ATP1A2: variants seen among roughly 807,000 people sequenced by gnomAD.
The protein encoded by ATP1A2 is sodium/potassium-transporting ATPase subunit alpha-2.
ATP1A2 carries 56 observed loss-of-function variants against 113.1 expected under a neutral mutation model. The ratio of observed to expected loss-of-function variants is 0.49; its 90% CI spans 0.40 to 0.62. The LOEUF (loss-of-function observed/expected upper bound fraction) is 0.62. Among genes scored for constraint, ATP1A2 ranks in the 20% least tolerant of loss-of-function variants. The pLI, the probability that ATP1A2 is intolerant of heterozygous loss-of-function variation, is 0.00. For synonymous variants in ATP1A2, 490 were observed against 526.8 expected, an observed-to-expected ratio of 0.93 and a Z score of 0.96; for missense variants, 712 against 1,357.8, an observed-to-expected ratio of 0.52 and a Z score of 7.47.
At position 160,134,634 on chromosome 1, in the gene ATP1A2, A is replaced by G. The variant is rs201131020; in HGVS notation, c.1964+14A>G. ...AGTCAACCCCAGGTGAGGCCTCTGC[A>G]GGAAGCCCCTGTGCCCTAATCAACA... On this transcript the variant is annotated intron_variant, in intron 14 of 22. Coordinates refer to ENST00000361216, the MANE Select transcript of ATP1A2 (RefSeq NM_000702.4). The G allele has an allele frequency of 4.6e-5, 75 of 1,614,184 alleles. No individual in the cohort carries two copies. The African/African-American group carries it at 7.5e-4, about 16-fold the overall frequency.
chr1:160,120,959 G>A lies in ATP1A2; in HGVS notation c.66G>A (p.Lys22=). The A allele has an allele frequency of 6.2e-7, 1 of 1,612,744 alleles. No individual in the cohort carries two copies. Among genetic ancestry groups the A allele is most frequent in the African/African-American group, 1.3e-5 (1 of 75,020 alleles). The change falls in exon 2 of 23, where the codon AAG becomes AAA. Residue 22 remains lysine (K), a synonymous_variant. Coordinates refer to ENST00000361216, the MANE Select transcript of ATP1A2 (RefSeq NM_000702.4). ...AATTAENGGG[K]KKQKEKELDE... is the part of the protein sequence containing the mutation. The stretch of plus-strand genomic sequence containing the variant: ...CCACGGCAGAGAATGGGGGCGGCAA[G>A]AAGAAACAGAAGGAGAAGGAACTGG...
intron 1 of ATP1A2, 23 bp from the exon 2 acceptor site, chr1:160,120,883 C>T (rs933431139): frequency 6.8e-7 from 1 of 1,477,164 alleles, no homozygotes; most frequent in African/African-American, 1.5e-5. Context: ...CCCTGACTCT[C>T]TGGCTCTCCC....
In ATP1A2 at chr1:160,125,141, T is replaced by C; in HGVS notation, c.636T>C (p.Asp212=). Residue 212 remains aspartate (D), a synonymous_variant, in exon 7 of 23, where the codon GAT becomes GAC. Transcript: ENST00000361216. ...ATGCACTCCTTCCTCCTCAGGTGGA[T>C]AACTCATCCTTAACAGGAGAGTCGG... ...RIISSHGCKV[D]NSSLTGESEP... is the part of the protein sequence containing the mutation. 1 of 1,614,108 alleles carries C rather than the reference T, an allele frequency of 6.2e-7. No individual in the cohort carries two copies. Among genetic ancestry groups the C allele is most frequent in the Non-Finnish European group, 8.5e-7 (1 of 1,179,986 alleles).
Position 160,135,394 on chromosome 1 carries a change from G to A in ATP1A2, c.2116-40G>A. 1 of 1,614,200 alleles carries A rather than the reference G, an allele frequency of 6.2e-7. No individual in the cohort carries two copies. Among genetic ancestry groups the A allele is most frequent in the Non-Finnish European group, 8.5e-7 (1 of 1,180,034 alleles). ...GTGAGAGGCGAGGAGCCAGGCTTGGGAAGGGGTTTCGTCCTCAAGTGTGGC... is the reference window on the plus strand; with the variant it reads ...GTGAGAGGCGAGGAGCCAGGCTTGGAAAGGGGTTTCGTCCTCAAGTGTGGC... On this transcript the variant is annotated intron_variant, in intron 15 of 22. Coordinates refer to ENST00000361216, the MANE Select transcript of ATP1A2 (RefSeq NM_000702.4). The surrounding 1 kb of genome is among the most constrained non-coding windows in gnomAD (Gnocchi z 6.3).
chr1:160,122,583 G>T (rs1484550160), intron 3 of ATP1A2, among the ~76,000 whole-genome samples: 1 of 152,164 alleles, frequency 6.6e-6, no homozygotes, highest in African/African-American at 2.4e-5. Flanking sequence ...CCAGCCTGGG[G>T]CTGAGGGAAT....
Position 160,136,002 on chromosome 1 carries a change from A to G in ATP1A2, c.2439+9A>G. 1.2e-6 allele frequency: 2 copies of G among 1,614,014 alleles called. No individual in the cohort carries two copies. Among genetic ancestry groups the G allele is most frequent in the Non-Finnish European group, 1.7e-6 (2 of 1,179,988 alleles). ...ACCTGGGCACAGATATGGTGAGCGC[A>G]GGAGGTGGAGGAGGGGACAGGCAAG... On this transcript the variant is annotated intron_variant, in intron 17 of 22. Coordinates refer to ENST00000361216, the MANE Select transcript of ATP1A2 (RefSeq NM_000702.4).
intron 21 of ATP1A2, 36 bp downstream of exon 21, chr1:160,139,777 C>A (rs777977294): frequency 2.5e-6 from 4 of 1,612,558 alleles, no homozygotes; most frequent in Non-Finnish European, 3.4e-6. Context: ...AGTAGTCATA[C>A]GGGGGGCCTT....
At chr1:160,116,277 C>A (rs1651176912) in intron 1 of ATP1A2, among the ~76,000 whole-genome samples, 1 of 152,184 alleles carries the variant, frequency 6.6e-6, no homozygotes, top group South Asian at 2.1e-4. Context: ...AATATCCATT[C>A]CTCTGGGAGT....
chr1:160,130,348 C>G, intron 12 of ATP1A2, 57 bp downstream of exon 12: 1 of 1,614,032 alleles, frequency 6.2e-7, no homozygotes. Context: ...TGCGGCATCC[C>G]TGGGGTGGGG....
Position 160,140,845 on chromosome 1 carries a change from T to TC in ATP1A2, c.3035-448dup, listed in dbSNP as rs1227603160. On this transcript the variant is annotated intron_variant, in intron 22 of 22. Transcript: ENST00000361216. ...GACCTCCTTCTCCTCCCTTTCACCT[T>TC]CTTTTTTTTTTTTTTTTTTTTTTTT... 1.4e-4 allele frequency: 24 copies of TC among 170,056 alleles called. 3 individuals carry two copies. The highest frequency in any genetic ancestry group is 6.3e-4 in the African/African-American group (23 of 36,642). The allele number at this position is 170,056 out of a possible 1,614,324, so 10.5% of individuals were successfully genotyped here.
Position 160,125,678 on chromosome 1 carries a change from G to T in ATP1A2, c.748+425G>T, listed in dbSNP as rs142870689. The T allele has an allele frequency of 1.9e-3, 405 of 211,494 alleles. 4 individuals carry two copies. Among genetic ancestry groups the T allele is most frequent in the African/African-American group, 9.0e-3 (390 of 43,408 alleles). The allele number at this position is 211,494 out of a possible 1,614,324, so 13.1% of individuals were successfully genotyped here. ...CTTCGATAACCTTTGCTTTGGCCAG[G>T]GCCCCAGGGTCTGGGAGGGCCAAGA... On this transcript the variant is annotated intron_variant, in intron 7 of 22. Coordinates refer to ENST00000361216, the MANE Select transcript of ATP1A2 (RefSeq NM_000702.4).
intron 13 of ATP1A2, 120 bp from the exon 14 acceptor site, chr1:160,134,364 G>T (rs773662541): frequency 4.9e-6 from 7 of 1,437,236 alleles, no homozygotes; most frequent in Non-Finnish European, 4.8e-6. Context: ...CCCTTATTTC[G>T]GTTGGGATCT....
chr1:160,133,062 G>A (rs895128004), intron 13 of ATP1A2, among the ~76,000 whole-genome samples: 2 of 151,998 alleles, frequency 1.3e-5, no homozygotes, highest in African/African-American at 2.4e-5. Flanking sequence ...GAGAAGGTCG[G>A]TGTTTAAACT....
At position 160,128,591 on chromosome 1, in the gene ATP1A2, A is replaced by G. The variant is rs758003681; in HGVS notation, c.1018-61A>G. ...GAGGAATGGAGCCACGGTCTAGGGT[A>G]AGGTTATGGCCATCTCCGGCTTCAG... is the stretch of plus-strand genomic sequence containing the variant. On this transcript the variant is annotated intron_variant, in intron 8 of 22. Coordinates refer to ENST00000361216, the MANE Select transcript of ATP1A2 (RefSeq NM_000702.4). 3.7e-6 allele frequency: 6 copies of G among 1,612,386 alleles called. No individual in the cohort carries two copies. In the Admixed American group the frequency reaches 1.0e-4, roughly 27 times the overall value.
chr1:160,116,306 G>A (rs1651179683), intron 1 of ATP1A2, among the ~76,000 whole-genome samples: 1 of 152,192 alleles, frequency 6.6e-6, no homozygotes. Flanking sequence ...GAGAGGCTGG[G>A]GGTCCATTTT....
At chr1:160,116,980 C>T (rs539731572) in intron 1 of ATP1A2, among the ~76,000 whole-genome samples, 1 of 152,140 alleles carries the variant, frequency 6.6e-6, no homozygotes, top group South Asian at 2.1e-4. Context: ...AGTGTGTGTC[C>T]TTGACCACGT....
intron 13 of ATP1A2, among the ~76,000 whole-genome samples, chr1:160,133,126 C>T (rs1255158269): frequency 1.3e-5 from 2 of 152,102 alleles, no homozygotes; most frequent in Non-Finnish European, 1.5e-5. Flanking sequence ...ACTAGGCTGC[C>T]ACCCTGAGAG....
rs2101985522 is a variant in ATP1A2, at chr1:160,123,417, G to A, written c.381+1G>A. On this transcript the variant is annotated splice_donor_variant, in intron 4 of 22. Transcript: ENST00000361216. LOFTEE classifies it high-confidence loss of function. Reference sequence around the variant, plus strand: ...GGAGGATGAACCATCCAACGACAATGTGAGCCCACACGCCCGACCCGGGAA... The same window carrying A: ...GGAGGATGAACCATCCAACGACAATATGAGCCCACACGCCCGACCCGGGAA... The A allele has an allele frequency of 6.2e-7, 1 of 1,614,168 alleles. No individual in the cohort carries two copies. Among genetic ancestry groups the A allele is most frequent in the Non-Finnish European group, 8.5e-7 (1 of 1,180,028 alleles).
chr1:160,129,998 G>T, intron 11 of ATP1A2, 104 bp from the exon 12 acceptor site: 1 of 1,403,964 alleles, frequency 7.1e-7, no homozygotes. Flanking sequence ...ATCTTTGATG[G>T]GTTGGGGCTA....
Sources: gnomAD v4.1 joint callset for allele counts (sites outside exome capture counted in the v4.1 genomes callset) on GRCh38, gnomAD v4.1.1 for gene constraint, Gnocchi (gnomAD v3.1) non-coding constraint, MANE v1.5 for transcripts, NCBI Gene and HGNC (gene_info 2026-07-23, HGNC 2026-07-21) for gene names.